The following CTNND2 variants were observed in gnomAD, a reference collection of about 807,000 sequenced individuals.
The protein encoded by CTNND2 is catenin delta-2.
Under a neutral mutation model 144.4 loss-of-function variants are expected in CTNND2, and 22 were observed. The observed-to-expected ratio is 0.15, with a 90% CI of 0.11 to 0.22. CTNND2 has a LOEUF of 0.22. Ranked by LOEUF, CTNND2 falls within the 10% of genes least tolerant of loss-of-function variation. The pLI, the probability that CTNND2 is intolerant of heterozygous loss-of-function variation, is 1.00. For missense variants in CTNND2, 1,353 were observed against 1,618.8 expected, an observed-to-expected ratio of 0.84 and a Z score of 2.82; for synonymous variants, 751 against 695.6, an observed-to-expected ratio of 1.08 and a Z score of -1.25.
At position 11,085,761 on chromosome 5, in the gene CTNND2, C is replaced by T. The variant is rs193078909; in HGVS notation, c.2638-2915G>A. Reference sequence around the variant, plus strand: ...CAGTTTGGAGAGGAAGCAAGAGATGCGGCAGCACTGTGGGGGCTGCCAGCT... The same window carrying T: ...CAGTTTGGAGAGGAAGCAAGAGATGTGGCAGCACTGTGGGGGCTGCCAGCT... On this transcript the variant is annotated intron_variant, in intron 15 of 21. Transcript: ENST00000304623. Among the ~76,000 whole-genome samples, 7 of 152,300 alleles carry T rather than the reference C, an allele frequency of 4.6e-5. No individual in the cohort carries two copies. The East Asian group carries it at 5.8e-4, about 13-fold the overall frequency.
intron 3 of CTNND2, among the ~76,000 whole-genome samples, chr5:11,543,974 T>C (rs534808574): frequency 3.3e-5 from 5 of 152,230 alleles, no homozygotes; most frequent in Admixed American, 3.3e-4. Context: ...TCGGAAATCT[T>C]ACACACATGA....
intron 10 of CTNND2, among the ~76,000 whole-genome samples, chr5:11,226,511 A>G (rs761889710): frequency 1.1e-4 from 16 of 152,230 alleles, no homozygotes; most frequent in Non-Finnish European, 1.3e-4. Context: ...ACAGTTCCAC[A>G]TGACTGGGGA....
intron 3 of CTNND2, among the ~76,000 whole-genome samples, chr5:11,528,269 T>G (rs1198366784): frequency 1.3e-5 from 2 of 152,160 alleles, no homozygotes; most frequent in Non-Finnish European, 2.9e-5. Flanking sequence ...GCACAGAAGC[T>G]TTTGGAGTTG....
Position 11,605,218 on chromosome 5 carries a change from G to A in CTNND2, c.175-40162C>T, listed in dbSNP as rs139230999. Among the ~76,000 whole-genome samples the A allele has an allele frequency of 7.8e-3, 1,190 of 152,286 alleles. 11 individuals are homozygous for A. Among genetic ancestry groups the A allele is most frequent in the African/African-American group, 0.027 (1,110 of 41,568 alleles). ...GGACTCTGAGAAGAGGCACAGCAGT[G>A]CCCACACAACAGACATGCTTACTAA... On this transcript the variant is annotated intron_variant, in intron 2 of 21. Transcript: ENST00000304623.
In CTNND2 at chr5:11,370,173, GT is replaced by G. The variant is rs77463818; in HGVS notation, c.1178-5284del. Among the ~76,000 whole-genome samples, 620 of 137,318 alleles carry G rather than the reference GT, an allele frequency of 4.5e-3. 1 individual carries two copies. The highest frequency in any genetic ancestry group is 7.3e-3 in the Admixed American group (101 of 13,824). The allele number at this position is 137,318 out of a possible 152,430, so 90.1% of individuals were successfully genotyped here. ...TGAAAATTCAGCTCCAACTACTTGG[GT>G]TTTTTTTTTTTTTTTACATTTCAAT... On this transcript the variant is annotated intron_variant, in intron 7 of 21. Coordinates refer to ENST00000304623, the MANE Select transcript of CTNND2 (RefSeq NM_001332.4).
At chr5:11,459,687 T>A (rs1191481459) in intron 3 of CTNND2, among the ~76,000 whole-genome samples, 4 of 152,236 alleles carry the variant, frequency 2.6e-5, no homozygotes, top group Non-Finnish European at 4.4e-5. Context: ...AAGGACATTT[T>A]AAAATATACT....
Position 10,973,080 on chromosome 5 carries a change from C to T in CTNND2, c.*373G>A. 5.9e-6 allele frequency: 1 copy of T among 169,254 alleles called. No homozygotes were observed. The highest frequency in any genetic ancestry group is 1.3e-5 in the Non-Finnish European group (1 of 79,470). The allele number at this position is 169,254 out of a possible 1,614,324, so 10.5% of individuals were successfully genotyped here. A position where few individuals can be genotyped will look rare whatever the true frequency, so the allele number is the denominator to read the frequency against. ...ACAAAGCGTGAGAAGCCGTCCCCCACACAGTGTGTAAACTATTCTGTGTCT... is the reference window on the plus strand; with the variant it reads ...ACAAAGCGTGAGAAGCCGTCCCCCATACAGTGTGTAAACTATTCTGTGTCT... On this transcript the variant is annotated 3_prime_UTR_variant, in exon 22 of 22. Coordinates refer to ENST00000304623, the MANE Select transcript of CTNND2 (RefSeq NM_001332.4). This position sits in a 1 kb window ranked among gnomAD's most constrained non-coding sequence, Gnocchi z 5.6.
At chr5:11,657,167 C>T (rs1782958485) in intron 2 of CTNND2, among the ~76,000 whole-genome samples, 1 of 152,098 alleles carries the variant, frequency 6.6e-6, no homozygotes, top group Admixed American at 6.6e-5. Flanking sequence ...AATGAAGACA[C>T]TGATGGCTCA....
chr5:11,386,167 C>A (rs1759069741), intron 6 of CTNND2, among the ~76,000 whole-genome samples: 1 of 152,184 alleles, frequency 6.6e-6, no homozygotes, highest in Non-Finnish European at 1.5e-5. Flanking sequence ...CATTGTCAAC[C>A]ACTTCTGGGC....
chr5:11,168,106 C>T (rs1216422928), intron 11 of CTNND2, among the ~76,000 whole-genome samples: 4 of 152,180 alleles, frequency 2.6e-5, no homozygotes, highest in Non-Finnish European at 5.9e-5. Flanking sequence ...AGACAAAAGA[C>T]TATAATTGAC....
At chr5:11,203,678 T>C (rs910821373) in intron 10 of CTNND2, among the ~76,000 whole-genome samples, 1 of 152,232 alleles carries the variant, frequency 6.6e-6, no homozygotes, top group African/African-American at 2.4e-5. Context: ...CCAGGCCTCA[T>C]GCAGAATTCT....
intron 7 of CTNND2, among the ~76,000 whole-genome samples, chr5:11,365,122 G>A (rs1756845705): frequency 6.6e-6 from 1 of 152,190 alleles, no homozygotes; most frequent in Non-Finnish European, 1.5e-5. Context: ...ACGTTTCTGA[G>A]ATAAACCCAC....
intron 9 of CTNND2, among the ~76,000 whole-genome samples, chr5:11,325,003 T>C (rs750284764): frequency 5.3e-5 from 8 of 151,954 alleles, no homozygotes; most frequent in Non-Finnish European, 1.0e-4. Flanking sequence ...TCAAAGTCTG[T>C]AGTGCAAGAA....
rs1002898199 is a variant in CTNND2, at chr5:11,827,766, C to T, written c.37+76051G>A. ...ATTGCACAACAAGTATAACTTTCTC[C>T]CTCTTATAGAAGATTTAATTCATAG... On this transcript the variant is annotated intron_variant, in intron 1 of 21. Transcript: ENST00000304623. Among the ~76,000 whole-genome samples, 14 of 152,244 alleles carry T rather than the reference C, an allele frequency of 9.2e-5. No individual in the cohort carries two copies. The South Asian group carries it at 1.4e-3, about 16-fold the overall frequency.
At chr5:11,538,306 C>A (rs1375097599) in intron 3 of CTNND2, among the ~76,000 whole-genome samples, 1 of 152,130 alleles carries the variant, frequency 6.6e-6, no homozygotes, top group Non-Finnish European at 1.5e-5. Flanking sequence ...GGACACTCAG[C>A]AAAGCATACC....
chr5:11,593,567 A>G (rs1268499684), intron 2 of CTNND2, among the ~76,000 whole-genome samples: 1 of 152,158 alleles, frequency 6.6e-6, no homozygotes, highest in African/African-American at 2.4e-5. Context: ...TCATGGGGGC[A>G]GGTTTTTCCC....
chr5:11,461,825 C>T (rs1766250747), intron 3 of CTNND2, among the ~76,000 whole-genome samples: 1 of 152,148 alleles, frequency 6.6e-6, no homozygotes, highest in African/African-American at 2.4e-5. Flanking sequence ...AGGATTGAGA[C>T]ATTGATTCTC....
intron 9 of CTNND2, among the ~76,000 whole-genome samples, chr5:11,298,701 C>A (rs1749264876): frequency 1.3e-5 from 2 of 152,194 alleles, no homozygotes; most frequent in Admixed American, 1.3e-4. Flanking sequence ...GGTTCATGCA[C>A]TGCCTGTATA....
At chr5:11,057,164 C>G (rs571700403) in intron 16 of CTNND2, among the ~76,000 whole-genome samples, 1 of 152,238 alleles carries the variant, frequency 6.6e-6, no homozygotes, top group South Asian at 2.1e-4. Context: ...ATTGTCAAAA[C>G]CAGAAAATGG....
Sources: gnomAD v4.1 joint callset for allele counts (sites outside exome capture counted in the v4.1 genomes callset) on GRCh38, gnomAD v4.1.1 for gene constraint, Gnocchi (gnomAD v3.1) non-coding constraint, MANE v1.5 for transcripts, NCBI Gene and HGNC (gene_info 2026-07-23, HGNC 2026-07-21) for gene names.